The following ARHGAP18 variants were observed in gnomAD, a reference collection of about 807,000 sequenced individuals.
ARHGAP18 encodes rho GTPase-activating protein 18.
A neutral mutation model predicts 86.2 loss-of-function variants in ARHGAP18; 67 were observed. That is an observed-to-expected ratio of 0.78 (90% CI 0.64 to 0.95). The LOEUF (loss-of-function observed/expected upper bound fraction) is 0.95. Among genes scored for constraint, ARHGAP18 ranks in the 40% least tolerant of loss-of-function variants. The pLI is 0.00. For synonymous variants in ARHGAP18, 283 were observed against 280.4 expected (o/e 1.01, Z -0.09); for missense variants, 691 against 780.4 (o/e 0.89, Z 1.37).
intron 12 of ARHGAP18, among the ~76,000 whole-genome samples, chr6:129,593,027 A>T (rs1311547984): frequency 6.6e-6 from 1 of 152,146 alleles, no homozygotes; most frequent in African/African-American, 2.4e-5. Flanking sequence ...GCATACACAC[A>T]CACAAACACA....
At chr6:129,639,482 C>T (rs1773401196) in intron 2 of ARHGAP18, among the ~76,000 whole-genome samples, 2 of 152,268 alleles carry the variant, frequency 1.3e-5, no homozygotes, top group South Asian at 2.1e-4. Context: ...CTCAAGTTGA[C>T]TCTGTTTTCT....
chr6:129,667,503 G>GTGTGTGTGTGTGTGTA lies in ARHGAP18; in HGVS notation c.114-25486_114-25485insTACACACACACACACA, dbSNP rs548429421. ...TGTGTGTGTGTGTGTGTGTGTGTGT[G>GTGTGTGTGTGTGTGTA]TGTTGTGTATGTGGATATATATGCA... On this transcript the variant is annotated intron_variant, in intron 1 of 14. Coordinates refer to ENST00000368149, the MANE Select transcript of ARHGAP18 (RefSeq NM_033515.3). Among the ~76,000 whole-genome samples, 545 of 145,390 alleles carry GTGTGTGTGTGTGTGTA rather than the reference G, an allele frequency of 3.7e-3. 6 individuals are homozygous for GTGTGTGTGTGTGTGTA. Among genetic ancestry groups the GTGTGTGTGTGTGTGTA allele is most frequent in the Non-Finnish European group, 4.9e-3 (329 of 66,548 alleles).
intron 1 of ARHGAP18, among the ~76,000 whole-genome samples, chr6:129,648,764 TTATC>T (rs1480798071): frequency 1.3e-5 from 2 of 150,144 alleles, no homozygotes; most frequent in Admixed American, 1.3e-4. Context: ...ATGTGTAGAT[TTATC>T]TCTTTCATTT....
In ARHGAP18 at chr6:129,625,065, TTA is replaced by T. The variant is rs1477213641; in HGVS notation, c.786+4286_786+4287del. Among the ~76,000 whole-genome samples, 16 of 108,744 alleles carry T rather than the reference TTA, an allele frequency of 1.5e-4. 1 individual carries two copies. Among genetic ancestry groups the T allele is most frequent in the East Asian group, 4.6e-4 (2 of 4,318 alleles). The allele number at this position is 108,744 out of a possible 152,430, so 71.3% of individuals were successfully genotyped here. Reference sequence around the variant, plus strand: ...TATAATATATATGATTGATATATATTTATATATAATATATATGATATATGATA... The same window carrying T: ...TATAATATATATGATTGATATATATTTATATAATATATATGATATATGATA... On this transcript the variant is annotated intron_variant, in intron 5 of 14. Transcript: ENST00000368149.
At chr6:129,702,339 A>G (rs1445528201) in intron 1 of ARHGAP18, among the ~76,000 whole-genome samples, 1 of 152,120 alleles carries the variant, frequency 6.6e-6, no homozygotes, top group African/African-American at 2.4e-5. Context: ...TCCTGCCCTA[A>G]TCCATGCCCA....
intron 4 of ARHGAP18, among the ~76,000 whole-genome samples, chr6:129,631,733 CTGACTT>C (rs1056412599): frequency 3.4e-4 from 51 of 150,000 alleles, no homozygotes; most frequent in African/African-American, 1.2e-3. Context: ...TTTTAACCAC[CTGACTT>C]TAAGATTCAA....
Position 129,608,788 on chromosome 6 carries a change from C to A in ARHGAP18, c.1123-736G>T, listed in dbSNP as rs189435732. ...AATCCTATCACGTTAAAAACCATCA[C>A]AAGTTTCTGTCACTTTCCTCTGTTA... On this transcript the variant is annotated intron_variant, in intron 8 of 14. Transcript: ENST00000368149. 1.8e-4 allele frequency among the ~76,000 whole-genome samples: 27 copies of A among 152,288 alleles called. No homozygotes were observed. The East Asian group carries it at 5.2e-3, about 29-fold the overall frequency.
intron 1 of ARHGAP18, among the ~76,000 whole-genome samples, chr6:129,689,738 G>C (rs1774491757): frequency 6.6e-6 from 1 of 152,210 alleles, no homozygotes; most frequent in Non-Finnish European, 1.5e-5. Context: ...ATCCTTGTGA[G>C]TGTGTAAGCA....
At chr6:129,661,247 G>A (rs1381635200) in intron 1 of ARHGAP18, among the ~76,000 whole-genome samples, 2 of 149,844 alleles carry the variant, frequency 1.3e-5, no homozygotes, top group East Asian at 2.0e-4. Context: ...TAGCTTCTGG[G>A]GAAGCTGACG....
chr6:129,701,061 T>C (rs1290623595), intron 1 of ARHGAP18, among the ~76,000 whole-genome samples: 1 of 150,398 alleles, frequency 6.6e-6, no homozygotes. Flanking sequence ...GAGTATATAA[T>C]AAAAAAGTAA....
chr6:129,683,261 C>T (rs1351033015), intron 1 of ARHGAP18, among the ~76,000 whole-genome samples: 1 of 151,326 alleles, frequency 6.6e-6, no homozygotes, highest in African/African-American at 2.4e-5. Flanking sequence ...TTAGTAGAGA[C>T]CGGGTTTCAC....
intron 3 of ARHGAP18, among the ~76,000 whole-genome samples, chr6:129,634,854 T>A (rs1268387260): frequency 6.6e-6 from 1 of 150,790 alleles, no homozygotes; most frequent in Non-Finnish European, 1.5e-5. Context: ...ACTATAAAAG[T>A]ACATGTCCCT....
intron 1 of ARHGAP18, among the ~76,000 whole-genome samples, chr6:129,682,422 G>A (rs568981896): frequency 1.3e-5 from 2 of 152,256 alleles, no homozygotes; most frequent in East Asian, 1.9e-4. Context: ...AATACATGAG[G>A]TCTTACAGGC....
chr6:129,710,080 G>T lies in ARHGAP18; in HGVS notation c.57C>A (p.Gly19=). 6.2e-7 allele frequency: 1 copy of T among 1,614,122 alleles called. No homozygotes were observed. The change falls in exon 1 of 15, where the codon GGC becomes GGA. Residue 19 remains glycine, a synonymous_variant. Transcript: ENST00000368149. ...GVVLTAYHPS[G]KDQTVGNSHA... ...GGCTGTTCCCGACGGTCTGGTCCTT[G>T]CCGCTGGGGTGGTAGGCTGTTAGTA...
At chr6:129,599,180 G>T in intron 12 of ARHGAP18, 36 bp downstream of exon 12, 3 of 1,426,394 alleles carry the variant, frequency 2.1e-6, no homozygotes, top group South Asian at 1.6e-5. Flanking sequence ...AAATACTTAA[G>T]ATCTGAATAA....
At chr6:129,633,638 C>T (rs973739416) in intron 4 of ARHGAP18, among the ~76,000 whole-genome samples, 1 of 152,066 alleles carries the variant, frequency 6.6e-6, no homozygotes, top group Admixed American at 6.5e-5. Flanking sequence ...AAGAACGATG[C>T]TGCAAGTTTG....
At chr6:129,629,322 T>C in intron 5 of ARHGAP18, 31 bp downstream of exon 5, 1 of 1,594,368 alleles carries the variant, frequency 6.3e-7, no homozygotes, top group South Asian at 1.1e-5. Context: ...TATGTACATA[T>C]ATGTATATTT....
chr6:129,635,693 C>T (rs1301322480), intron 3 of ARHGAP18, among the ~76,000 whole-genome samples: 1 of 152,212 alleles, frequency 6.6e-6, no homozygotes, highest in South Asian at 2.1e-4. Flanking sequence ...TATACACTCA[C>T]TCAAAAGTAG....
chr6:129,623,851 A>G (rs1387984660), intron 5 of ARHGAP18, among the ~76,000 whole-genome samples: 3 of 152,232 alleles, frequency 2.0e-5, no homozygotes, highest in African/African-American at 4.8e-5. Context: ...AGGTGATTTC[A>G]TATATTTATT....
Sources: gnomAD v4.1 joint callset for allele counts (sites outside exome capture counted in the v4.1 genomes callset) on GRCh38, gnomAD v4.1.1 for gene constraint, MANE v1.5 for transcripts, NCBI Gene and HGNC (gene_info 2026-07-23, HGNC 2026-07-21) for gene names.